The following SDK1 variants were observed in gnomAD, a reference collection of about 807,000 sequenced individuals.
SDK1 encodes the protein protein sidekick-1.
In SDK1, 157 loss-of-function variants were observed where a neutral mutation model predicts 245.5. The ratio of observed to expected loss-of-function variants is 0.64; its 90% CI spans 0.56 to 0.73. SDK1 has a LOEUF of 0.73. SDK1 is among the 30% of genes least tolerant of loss of function. The probability of loss-of-function intolerance (pLI) is 0.00; values close to 1 mark genes in which losing one functional copy is unlikely to be tolerated. For synonymous variants in SDK1, 1,647 were observed against 1,278.5 expected, an observed-to-expected ratio of 1.29 and a Z score of -6.15; for missense variants, 3,583 against 3,002.3, an observed-to-expected ratio of 1.19 and a Z score of -4.52.
At chr7:3,972,120 C>T (rs1431623482) in intron 12 of SDK1, among the ~76,000 whole-genome samples, 1 of 149,296 alleles carries the variant, frequency 6.7e-6, no homozygotes, top group Non-Finnish European at 1.5e-5. Flanking sequence ...TGCTCTGTCA[C>T]CTGAGCTGGA....
chr7:3,571,469 A>G (rs1282347163), intron 1 of SDK1, among the ~76,000 whole-genome samples: 1 of 151,842 alleles, frequency 6.6e-6, no homozygotes, highest in Admixed American at 6.6e-5. Context: ...TGCCCAGCTA[A>G]TTTAAAAATT....
At chr7:4,216,782 G>C (rs1299945258) in intron 38 of SDK1, among the ~76,000 whole-genome samples, 2 of 152,194 alleles carry the variant, frequency 1.3e-5, no homozygotes, top group Non-Finnish European at 2.9e-5. Context: ...GCATTGACCA[G>C]TCGGGCCAAG....
At chr7:3,504,265 C>CGTTGTTGTTGTTGTTGTTGTTGTT (rs369977701) in intron 1 of SDK1, among the ~76,000 whole-genome samples, 1 of 146,544 alleles carries the variant, frequency 6.8e-6, no homozygotes, top group African/African-American at 2.5e-5. Context: ...CTGTTGTTGT[C>CGTTGTTGTTGTTGTTGTTGTTGTT]GTTGTTGTTG....
intron 4 of SDK1, among the ~76,000 whole-genome samples, chr7:3,766,220 A>G (rs1360889366): frequency 6.6e-6 from 1 of 152,188 alleles, no homozygotes; most frequent in Non-Finnish European, 1.5e-5. Context: ...TCTCATTTGC[A>G]TTAGTTAATA....
intron 4 of SDK1, among the ~76,000 whole-genome samples, chr7:3,673,047 A>G (rs1467337139): frequency 6.6e-6 from 1 of 151,888 alleles, no homozygotes; most frequent in Non-Finnish European, 1.5e-5. Context: ...GCTCTTGCTG[A>G]TAGTAAATAA....
intron 25 of SDK1, among the ~76,000 whole-genome samples, chr7:4,126,732 G>C (rs1294048189): frequency 6.6e-6 from 1 of 152,222 alleles, no homozygotes; most frequent in African/African-American, 2.4e-5. Context: ...ATGTGTATGG[G>C]TCGAGAATGG....
At chr7:3,549,963 C>G (rs1779347297) in intron 1 of SDK1, among the ~76,000 whole-genome samples, 1 of 152,160 alleles carries the variant, frequency 6.6e-6, no homozygotes, top group East Asian at 1.9e-4. Context: ...TTTAGGGTCT[C>G]CTTTAACCTA....
At chr7:3,898,698 T>C (rs1044113120) in intron 5 of SDK1, among the ~76,000 whole-genome samples, 3 of 152,226 alleles carry the variant, frequency 2.0e-5, no homozygotes, top group Non-Finnish European at 2.9e-5. Context: ...TACTAACTTA[T>C]TAATAGAATT....
intron 4 of SDK1, among the ~76,000 whole-genome samples, chr7:3,723,314 C>G: frequency 6.6e-6 from 1 of 152,190 alleles, no homozygotes; most frequent in Admixed American, 6.5e-5. Context: ...ACAGGCAGCA[C>G]TTTCCTGAAA....
chr7:3,639,050 T>C lies in SDK1; in HGVS notation c.505T>C (p.Cys169Arg). The change falls in exon 3 of 45, where the codon TGC becomes CGC. Residue 169 changes from cysteine (C) to arginine (R), a missense_variant. Cys to Arg is a radical substitution (Grantham distance 180). Coordinates refer to ENST00000404826, the MANE Select transcript of SDK1 (RefSeq NM_152744.4). The stretch of plus-strand genomic sequence containing the variant: ...GAAGCTCGATGCTGGGTTTTACCGC[T>C]GCGTGGTGCGAAACAGAATGGGAGC... ...LQKLDAGFYR[C>R]VVRNRMGALL... 1 of 1,606,142 alleles carries C rather than the reference T, an allele frequency of 6.2e-7. No individual in the cohort carries two copies. The highest frequency in any genetic ancestry group is 8.5e-7 in the Non-Finnish European group (1 of 1,174,028).
At chr7:4,140,474 G>T (rs73048337) in intron 28 of SDK1, among the ~76,000 whole-genome samples, 1 of 152,086 alleles carries the variant, frequency 6.6e-6, no homozygotes, top group African/African-American at 2.4e-5. Flanking sequence ...ACTCTGTGTC[G>T]GTCACCTTCA....
chr7:3,876,589 ATCT>A (rs1166087579), intron 5 of SDK1, among the ~76,000 whole-genome samples: 1 of 152,240 alleles, frequency 6.6e-6, no homozygotes, highest in African/African-American at 2.4e-5. Flanking sequence ...AACTCATAAC[ATCT>A]TAAGATATTT....
chr7:4,162,684 G>C (rs1040739459), intron 32 of SDK1, among the ~76,000 whole-genome samples: 10 of 152,102 alleles, frequency 6.6e-5, no homozygotes, highest in Admixed American at 1.3e-4. Context: ...ACAGACATGA[G>C]CCACTGTGCC....
In SDK1 at chr7:4,265,955, A is replaced by T; in HGVS notation, c.*571A>T. ...GAAATGTTCTCACTTGGCAGTGTCT[A>T]GTCAAGGAGTCGGCTTTCAGGTTCC... On this transcript the variant is annotated 3_prime_UTR_variant, in exon 45 of 45. Coordinates refer to ENST00000404826, the MANE Select transcript of SDK1 (RefSeq NM_152744.4). 1 of 985,646 alleles carries T rather than the reference A, an allele frequency of 1.0e-6. No homozygotes were observed. Among genetic ancestry groups the T allele is most frequent in the East Asian group, 1.1e-4 (1 of 8,822 alleles). The allele number at this position is 985,646 out of a possible 1,614,324, so 61.1% of individuals were successfully genotyped here. A position where few individuals can be genotyped will look rare whatever the true frequency, so the allele number is the denominator to read the frequency against.
chr7:3,579,266 A>T (rs1025957419), intron 1 of SDK1, among the ~76,000 whole-genome samples: 1 of 149,716 alleles, frequency 6.7e-6, no homozygotes, highest in Non-Finnish European at 1.5e-5. Context: ...ATGAACGTTG[A>T]TGGAAATATC....
chr7:3,502,087 T>C (rs1782232904), intron 1 of SDK1, among the ~76,000 whole-genome samples: 1 of 152,100 alleles, frequency 6.6e-6, no homozygotes, highest in Admixed American at 6.5e-5. Context: ...ATATTATTAG[T>C]GGGGTTTAGT....
At chr7:4,016,648 A>G (rs1786422372) in intron 16 of SDK1, among the ~76,000 whole-genome samples, 1 of 152,190 alleles carries the variant, frequency 6.6e-6, no homozygotes, top group Non-Finnish European at 1.5e-5. Flanking sequence ...TTAGTACTGG[A>G]CTAGTATTTT....
At chr7:3,992,903 A>T (rs1185070825) in intron 14 of SDK1, among the ~76,000 whole-genome samples, 1 of 152,196 alleles carries the variant, frequency 6.6e-6, no homozygotes, top group African/African-American at 2.4e-5. Context: ...TATCCTGTAG[A>T]ATATAAATAT....
At chr7:3,898,112 C>T (rs556459998) in intron 5 of SDK1, among the ~76,000 whole-genome samples, 1 of 152,290 alleles carries the variant, frequency 6.6e-6, no homozygotes, top group South Asian at 2.1e-4. Context: ...AAGATGTGAA[C>T]ATCCATGAAT....
Sources: gnomAD v4.1 joint callset for allele counts (sites outside exome capture counted in the v4.1 genomes callset) on GRCh38, gnomAD v4.1.1 for gene constraint, MANE v1.5 for transcripts, NCBI Gene and HGNC (gene_info 2026-07-23, HGNC 2026-07-21) for gene names.